Variants in CTSS observed in about 807,000 individuals in gnomAD.
The protein encoded by CTSS is cathepsin S.
Under a neutral mutation model 39.9 loss-of-function variants are expected in CTSS, and 15 were observed. The ratio of observed to expected loss-of-function variants is 0.38; its 90% CI spans 0.25 to 0.58. The LOEUF is 0.58. CTSS is among the 20% of genes least tolerant of loss of function. The pLI, the probability that CTSS is intolerant of heterozygous loss-of-function variation, is 0.70. For synonymous variants in CTSS, 126 were observed against 138.2 expected, an observed-to-expected ratio of 0.91 and a Z score of 0.62; for missense variants, 250 against 398.2, an observed-to-expected ratio of 0.63 and a Z score of 3.17.
chr1:150,740,338 G>A (rs1418243709), intron 7 of CTSS, among the ~76,000 whole-genome samples: 1 of 152,062 alleles, frequency 6.6e-6, no homozygotes, highest in Non-Finnish European at 1.5e-5. Context: ...AAAATGAATA[G>A]GATTTGTAAT....
chr1:150,749,841 A>G (rs746201705), intron 6 of CTSS, among the ~76,000 whole-genome samples, 165 bp downstream of exon 6: 1 of 151,490 alleles, frequency 6.6e-6, no homozygotes, highest in Non-Finnish European at 1.5e-5. Flanking sequence ...TTTCGTAGAG[A>G]TAAGGGTCTC....
chr1:150,746,125 GT>G (rs991538340), intron 7 of CTSS, among the ~76,000 whole-genome samples: 16 of 151,558 alleles, frequency 1.1e-4, no homozygotes, highest in African/African-American at 3.4e-4. Flanking sequence ...AGATCATACA[GT>G]TTTTTTTTCC....
At chr1:150,747,175 T>A (rs1557811002) in intron 7 of CTSS, among the ~76,000 whole-genome samples, 1 of 152,140 alleles carries the variant, frequency 6.6e-6, no homozygotes, top group Non-Finnish European at 1.5e-5. Context: ...CTCAGATGAA[T>A]CCATCATATC....
intron 3 of CTSS, 108 bp downstream of exon 3, chr1:150,757,750 T>G: frequency 8.8e-7 from 1 of 1,139,692 alleles, no homozygotes. Flanking sequence ...AACTTTGTAC[T>G]ATACATTCCT....
chr1:150,754,766 T>C (rs1653083280), intron 4 of CTSS, among the ~76,000 whole-genome samples: 1 of 152,150 alleles, frequency 6.6e-6, no homozygotes. Flanking sequence ...GATCCACGGT[T>C]GGTGGAATCT....
intron 7 of CTSS, among the ~76,000 whole-genome samples, chr1:150,747,412 G>A (rs1213672329): frequency 2.6e-5 from 4 of 152,144 alleles, no homozygotes; most frequent in African/African-American, 4.8e-5. Flanking sequence ...AGAGTCCTAA[G>A]AGTGGAATTA....
chr1:150,743,281 A>AT lies in CTSS; in HGVS notation c.896+4495dup, dbSNP rs587756861. Among the ~76,000 whole-genome samples the AT allele has an allele frequency of 9.6e-4, 146 of 151,994 alleles. 2 individuals are homozygous for AT. The South Asian group carries it at 0.029, about 30-fold the overall frequency. ...ACCTCTAACACACTTTCCTCCTCCA[A>AT]TACATGAACAATTCCATACATCTGG... On this transcript the variant is annotated intron_variant, in intron 7 of 7. Coordinates refer to ENST00000368985, the MANE Select transcript of CTSS (RefSeq NM_004079.5).
chr1:150,749,537 G>A (rs1053209009), intron 6 of CTSS, among the ~76,000 whole-genome samples: 6 of 151,658 alleles, frequency 4.0e-5, no homozygotes, highest in Non-Finnish European at 8.8e-5. Flanking sequence ...GGTTCATGAG[G>A]TTTAAAATTG....
chr1:150,734,758 A>G (rs587732043), intron 7 of CTSS, among the ~76,000 whole-genome samples: 4 of 152,342 alleles, frequency 2.6e-5, no homozygotes, highest in African/African-American at 7.2e-5. Flanking sequence ...TATTTTAAGG[A>G]TAGTCTTTTG....
At chr1:150,756,946 C>A (rs1394144416) in intron 3 of CTSS, among the ~76,000 whole-genome samples, 2 of 152,114 alleles carry the variant, frequency 1.3e-5, no homozygotes, top group African/African-American at 4.8e-5. Context: ...AAACTCCCGA[C>A]CTCAGGTGAT....
intron 7 of CTSS, among the ~76,000 whole-genome samples, chr1:150,734,353 A>C (rs1571090151): frequency 6.6e-6 from 1 of 151,842 alleles, no homozygotes; most frequent in Admixed American, 6.6e-5. Context: ...TAAAAAGCAT[A>C]CTATTGGTCG....
chr1:150,759,403 T>C (rs1653204643), intron 2 of CTSS, among the ~76,000 whole-genome samples: 1 of 152,110 alleles, frequency 6.6e-6, no homozygotes, highest in South Asian at 2.1e-4. Flanking sequence ...CTCTTTCATC[T>C]CTCTTACTTG....
At chr1:150,754,459 G>A (rs1248875898) in intron 4 of CTSS, among the ~76,000 whole-genome samples, 11 of 128,908 alleles carry the variant, frequency 8.5e-5, no homozygotes, top group East Asian at 4.7e-4. Context: ...ATGGAGTCTC[G>A]CTCTTTAGCT....
chr1:150,755,505 C>T (rs778365441), intron 3 of CTSS, among the ~76,000 whole-genome samples: 2 of 151,774 alleles, frequency 1.3e-5, no homozygotes, highest in Non-Finnish European at 2.9e-5. Flanking sequence ...TTTGGGAGGC[C>T]GAGCCGGGCA....
intron 7 of CTSS, among the ~76,000 whole-genome samples, 196 bp from the exon 8 acceptor site, chr1:150,733,341 T>C (rs1373746995): frequency 6.6e-6 from 1 of 152,234 alleles, no homozygotes; most frequent in Non-Finnish European, 1.5e-5. Flanking sequence ...TTTAGTGCTA[T>C]ATTGATGAAT....
At chr1:150,756,810 G>A (rs930727183) in intron 3 of CTSS, among the ~76,000 whole-genome samples, 3 of 149,098 alleles carry the variant, frequency 2.0e-5, no homozygotes, top group Admixed American at 6.8e-5. Flanking sequence ...TCTGCCTCCC[G>A]GGTTCAAGCA....
Position 150,744,938 on chromosome 1 carries a change from A to T in CTSS, c.896+2839T>A, listed in dbSNP as rs148031369. Among the ~76,000 whole-genome samples, 31 of 152,058 alleles carry T rather than the reference A, an allele frequency of 2.0e-4. No individual in the cohort carries two copies. In the East Asian group the frequency reaches 6.0e-3, roughly 29 times the overall value. On this transcript the variant is annotated intron_variant, in intron 7 of 7. Coordinates refer to ENST00000368985, the MANE Select transcript of CTSS (RefSeq NM_004079.5). ...ACTTCAGTAGAGAAGGGAATTTAGA[A>T]CACCTGCCGTAGGGAGTTCCTTAGA...
chr1:150,745,771 A>T (rs1652881464), intron 7 of CTSS, among the ~76,000 whole-genome samples: 1 of 152,152 alleles, frequency 6.6e-6, no homozygotes, highest in South Asian at 2.1e-4. Flanking sequence ...GGCTGAGGAA[A>T]GTCAAAGATC....
chr1:150,757,255 A>G (rs1653153034), intron 3 of CTSS, among the ~76,000 whole-genome samples: 1 of 152,202 alleles, frequency 6.6e-6, no homozygotes, highest in African/African-American at 2.4e-5. Flanking sequence ...AGGGAGGCAG[A>G]TTTTTGTTTC....
Sources: allele counts gnomAD v4.1 joint callset (sites outside exome capture counted in the v4.1 genomes callset), GRCh38; gene constraint gnomAD v4.1.1; transcripts MANE v1.5; gene names NCBI Gene and HGNC (gene_info 2026-07-23, HGNC 2026-07-21).